DACH2: variants seen among roughly 807,000 people sequenced by gnomAD.
DACH2 encodes dachshund family transcription factor 2.
A neutral mutation model predicts 35.8 loss-of-function variants in DACH2; 17 were observed. That is an observed-to-expected ratio of 0.48 (90% confidence interval 0.33 to 0.71). DACH2 has a LOEUF of 0.71. Among genes scored for constraint, DACH2 ranks in the 30% least tolerant of loss-of-function variants. DACH2 has a pLI of 0.02. For missense variants in DACH2, 469 were observed against 472.7 expected (o/e 0.99, Z 0.07); for synonymous variants, 195 against 177.3 (o/e 1.10, Z -0.79).
intron 1 of DACH2, among the ~76,000 whole-genome samples, chrX:86,340,840 T>A (rs1460851541): frequency 8.9e-6 from 1 of 112,135 alleles, no homozygotes; most frequent in Admixed American, 9.5e-5. Context: ...GAAGATCAGA[T>A]CAGCCACAAC....
chrX:86,470,335 A>G (rs2037743041), intron 2 of DACH2, among the ~76,000 whole-genome samples: 1 of 111,864 alleles, frequency 8.9e-6, no homozygotes. Flanking sequence ...TAAGCAACAT[A>G]TGATAGAGTT....
chrX:86,549,740 G>C (rs952518259), intron 3 of DACH2, among the ~76,000 whole-genome samples: 1 of 110,813 alleles, frequency 9.0e-6, no homozygotes, highest in Admixed American at 9.7e-5. Context: ...CATTACTGGT[G>C]TATTTTTAAG....
At chrX:86,700,696 A>AG (rs1346802191) in intron 5 of DACH2, among the ~76,000 whole-genome samples, 1 of 110,534 alleles carries the variant, frequency 9.0e-6, no homozygotes. Context: ...ATACAAAAAA[A>AG]ATCCTCAGAG....
intron 1 of DACH2, among the ~76,000 whole-genome samples, chrX:86,300,568 G>A (rs1319417226): frequency 9.1e-6 from 1 of 109,842 alleles, no homozygotes; most frequent in Non-Finnish European, 1.9e-5. Context: ...GATAGCATTA[G>A]GAGATATATC....
chrX:86,556,298 C>T (rs1273263350), intron 3 of DACH2, among the ~76,000 whole-genome samples: 2 of 110,884 alleles, frequency 1.8e-5, no homozygotes, highest in Non-Finnish European at 3.8e-5. Flanking sequence ...AATAAGAGTG[C>T]TAGGTGCTTT....
At chrX:86,550,926 G>A (rs1156635867) in intron 3 of DACH2, among the ~76,000 whole-genome samples, 2 of 111,460 alleles carry the variant, frequency 1.8e-5, no homozygotes, top group Non-Finnish European at 3.8e-5. Flanking sequence ...AAAAAGTGAA[G>A]GGTGCAAAGG....
intron 3 of DACH2, among the ~76,000 whole-genome samples, chrX:86,614,819 G>A (rs1157760289): frequency 9.0e-6 from 1 of 111,264 alleles, no homozygotes; most frequent in Admixed American, 9.6e-5. Flanking sequence ...TACCTAGCAG[G>A]GTAATCCCAA....
chrX:86,758,140 C>T (rs950301556), intron 7 of DACH2, among the ~76,000 whole-genome samples: 19 of 110,894 alleles, frequency 1.7e-4, no homozygotes, highest in African/African-American at 4.9e-4. Context: ...TTCTTCGGGT[C>T]TTCTCTCTTT....
intron 4 of DACH2, among the ~76,000 whole-genome samples, chrX:86,651,842 G>T (rs1244692757): frequency 3.6e-5 from 4 of 111,770 alleles, no homozygotes; most frequent in African/African-American, 1.3e-4. Flanking sequence ...TACATGAATG[G>T]ATGGATGGAC....
At chrX:86,331,156 G>T (rs2035205923) in intron 1 of DACH2, among the ~76,000 whole-genome samples, 1 of 111,358 alleles carries the variant, frequency 9.0e-6, no homozygotes, top group Admixed American at 9.7e-5. Flanking sequence ...CATGGAGTTT[G>T]CACATGTCAA....
At chrX:86,573,069 C>A (rs2039392263) in intron 3 of DACH2, among the ~76,000 whole-genome samples, 1 of 110,019 alleles carries the variant, frequency 9.1e-6, no homozygotes, top group African/African-American at 3.3e-5. Context: ...TCAGTCAGTG[C>A]CCAGTACATA....
chrX:86,545,605 A>G (rs1278624702), intron 3 of DACH2, among the ~76,000 whole-genome samples: 1 of 112,200 alleles, frequency 8.9e-6, no homozygotes, highest in Admixed American at 9.5e-5. Context: ...TCTTAAAAAC[A>G]TAACTAAGGA....
intron 7 of DACH2, among the ~76,000 whole-genome samples, chrX:86,800,030 C>G (rs2042276729): frequency 8.9e-6 from 1 of 111,840 alleles, no homozygotes. Flanking sequence ...GTTTATTGTG[C>G]TATAAGAAGA....
intron 3 of DACH2, among the ~76,000 whole-genome samples, chrX:86,608,920 A>T (rs765573463): frequency 9.0e-6 from 1 of 111,361 alleles, no homozygotes; most frequent in Non-Finnish European, 1.9e-5. Context: ...GTTCTTTGGA[A>T]GTTTGATTAT....
At chrX:86,254,400 A>G (rs1466164025) in intron 1 of DACH2, among the ~76,000 whole-genome samples, 1 of 110,358 alleles carries the variant, frequency 9.1e-6, no homozygotes, top group East Asian at 2.8e-4. Flanking sequence ...GAAACTTGAG[A>G]TTTTCATGTG....
Position 86,148,518 on chromosome X carries a change from C to G in DACH2, c.-103C>G. ...GCGAACAGTTCGGAGCCAGCGAGAG[C>G]GCGCCAGAGAGAGCGAGAGTGAGGG... On this transcript the variant is annotated 5_prime_UTR_variant, in exon 1 of 12. Transcript: ENST00000373125. The G allele has an allele frequency of 2.1e-6, 2 of 950,414 alleles. No homozygotes were observed. The highest frequency in any genetic ancestry group is 2.6e-5 in the South Asian group (1 of 38,823). 78.3% of individuals were successfully genotyped at this position (950,414 alleles called of 1,213,427 possible). A position where few individuals can be genotyped will look rare whatever the true frequency, so the allele number is the denominator to read the frequency against.
At chrX:86,530,497 CTT>C (rs1491531890) in intron 3 of DACH2, among the ~76,000 whole-genome samples, 18 of 109,819 alleles carry the variant, frequency 1.6e-4, no homozygotes, top group Non-Finnish European at 1.7e-4. Flanking sequence ...TTCTCTCTCT[CTT>C]TCTCTCTCTT....
chrX:86,821,375 T>A (rs1038944402), intron 11 of DACH2, among the ~76,000 whole-genome samples: 2 of 111,360 alleles, frequency 1.8e-5, no homozygotes, highest in Non-Finnish European at 3.8e-5. Context: ...GATCCTTTTA[T>A]TTCCTAGAGA....
At chrX:86,618,197 C>T (rs753771930) in intron 3 of DACH2, among the ~76,000 whole-genome samples, 2 of 111,684 alleles carry the variant, frequency 1.8e-5, no homozygotes, top group Non-Finnish European at 1.9e-5. Context: ...CCCAAGAGTT[C>T]GAGGCTGCAG....
Sources: allele counts gnomAD v4.1 joint callset (sites outside exome capture counted in the v4.1 genomes callset), GRCh38; gene constraint gnomAD v4.1.1; transcripts MANE v1.5; gene names NCBI Gene and HGNC (gene_info 2026-07-23, HGNC 2026-07-21).